The following AR variants were observed in gnomAD, a reference collection of about 807,000 sequenced individuals.
The protein encoded by AR is androgen receptor.
In AR, 8 loss-of-function variants were observed where a neutral mutation model predicts 53.9. The ratio of observed to expected loss-of-function variants is 0.15; its 90% CI spans 0.09 to 0.27. The LOEUF (loss-of-function observed/expected upper bound fraction) is 0.27, where lower values mean the gene tolerates loss of function less well. Ranked by LOEUF, AR falls within the 10% of genes least tolerant of loss-of-function variation. The pLI is 1.00. For missense variants in AR, 639 were observed against 742.5 expected, an observed-to-expected ratio of 0.86 and a Z score of 1.62; for synonymous variants, 359 against 316.4, an observed-to-expected ratio of 1.13 and a Z score of -1.43.
chrX:67,682,648 T>C (rs936378684), intron 2 of AR, among the ~76,000 whole-genome samples: 15 of 111,287 alleles, frequency 1.3e-4, no homozygotes, highest in Non-Finnish European at 1.7e-4. Flanking sequence ...ATTGTTACTG[T>C]TAAGAACTCT....
chrX:67,667,618 A>G (rs1482172828), intron 2 of AR, among the ~76,000 whole-genome samples: 1 of 111,709 alleles, frequency 9.0e-6, no homozygotes, highest in African/African-American at 3.2e-5. Context: ...ATATTTTGAT[A>G]TAAATTGCGT....
At chrX:67,722,031 A>G in intron 6 of AR, 68 bp downstream of exon 6, 1 of 1,162,348 alleles carries the variant, frequency 8.6e-7, no homozygotes, top group Non-Finnish European at 1.2e-6. Flanking sequence ...CACTTTTGCC[A>G]TTAAAACATT....
At chrX:67,648,002 A>T (rs1926136010) in intron 2 of AR, among the ~76,000 whole-genome samples, 1 of 111,864 alleles carries the variant, frequency 8.9e-6, no homozygotes, top group Non-Finnish European at 1.9e-5. Flanking sequence ...GGTAGAGTGG[A>T]TTTGGTTTAT....
chrX:67,557,914 C>T (rs1921127950), intron 1 of AR, among the ~76,000 whole-genome samples: 1 of 112,243 alleles, frequency 8.9e-6, no homozygotes, highest in African/African-American at 3.2e-5. Flanking sequence ...AAATATTTTT[C>T]CTGTAAAAAC....
chrX:67,681,313 A>G (rs1401046882), intron 2 of AR, among the ~76,000 whole-genome samples: 1 of 111,360 alleles, frequency 9.0e-6, no homozygotes, highest in Non-Finnish European at 1.9e-5. Flanking sequence ...ACCTTCTAGA[A>G]CCACCTTACA....
intron 3 of AR, among the ~76,000 whole-genome samples, chrX:67,701,481 C>A (rs2076041947): frequency 8.9e-6 from 1 of 111,999 alleles, no homozygotes; most frequent in Non-Finnish European, 1.9e-5. Flanking sequence ...AAAGGTTAAA[C>A]TAACTAACGT....
At chrX:67,717,335 C>T in intron 4 of AR, 143 bp from the exon 5 acceptor site, 1 of 776,088 alleles carries the variant, frequency 1.3e-6, no homozygotes. Context: ...TTCCCCACCA[C>T]CCCTTAATGG....
chrX:67,586,200 G>A (rs2147360458), intron 1 of AR, among the ~76,000 whole-genome samples: 1 of 111,869 alleles, frequency 8.9e-6, no homozygotes, highest in African/African-American at 3.2e-5. Flanking sequence ...GGCTGGAGAT[G>A]ACAGCCTCTT....
intron 2 of AR, among the ~76,000 whole-genome samples, chrX:67,670,860 C>G (rs1317170856): frequency 9.0e-6 from 1 of 110,944 alleles, no homozygotes; most frequent in Non-Finnish European, 1.9e-5. Context: ...GTTTGGTTTT[C>G]TGTTCTTGTG....
At chrX:67,630,477 T>A (rs892046997) in intron 1 of AR, among the ~76,000 whole-genome samples, 75 of 111,218 alleles carry the variant, frequency 6.7e-4, no homozygotes, top group Non-Finnish European at 1.2e-3. Context: ...CTTTTTTTTG[T>A]TTTCCATTTG....
chrX:67,611,346 C>A, intron 1 of AR, among the ~76,000 whole-genome samples: 1 of 110,552 alleles, frequency 9.0e-6, no homozygotes, highest in East Asian at 2.9e-4. Context: ...GTTTTTTTGG[C>A]CATTTATGTT....
At chrX:67,720,243 TCTC>T (rs1023597990) in intron 5 of AR, among the ~76,000 whole-genome samples, 1 of 109,839 alleles carries the variant, frequency 9.1e-6, no homozygotes, top group African/African-American at 3.3e-5. Context: ...TACCCTCCAT[TCTC>T]CTCTCTCTTC....
intron 3 of AR, among the ~76,000 whole-genome samples, chrX:67,693,168 T>A (rs1431222646): frequency 1.8e-5 from 2 of 112,748 alleles, no homozygotes; most frequent in African/African-American, 6.4e-5. Flanking sequence ...TATCTGATAC[T>A]TGAATGAGTA....
At chrX:67,639,199 G>T (rs186739707) in intron 1 of AR, among the ~76,000 whole-genome samples, 1 of 111,796 alleles carries the variant, frequency 8.9e-6, no homozygotes, top group Non-Finnish European at 1.9e-5. Flanking sequence ...TACCAGTACC[G>T]TGCTATTTTG....
chrX:67,551,001 GTTT>G (rs1213943835), intron 1 of AR, among the ~76,000 whole-genome samples: 4 of 76,620 alleles, frequency 5.2e-5, no homozygotes, highest in Non-Finnish European at 7.0e-5. Context: ...GAATAGCTGG[GTTT>G]TTTTTTTTTT....
At chrX:67,579,179 G>A (rs763166811) in intron 1 of AR, among the ~76,000 whole-genome samples, 7 of 111,727 alleles carry the variant, frequency 6.3e-5, no homozygotes, top group African/African-American at 2.3e-4. Flanking sequence ...CATTATATCA[G>A]GCATAGTAGC....
intron 1 of AR, among the ~76,000 whole-genome samples, chrX:67,573,013 A>T (rs181401463): frequency 1.2e-4 from 13 of 111,749 alleles, no homozygotes; most frequent in African/African-American, 4.2e-4. Flanking sequence ...ACACAGAGAC[A>T]TAAATTAACT....
chrX:67,579,645 T>C (rs1328638644), intron 1 of AR, among the ~76,000 whole-genome samples: 3 of 111,529 alleles, frequency 2.7e-5, no homozygotes. Flanking sequence ...AACTCATAAA[T>C]ATGCAATTCC....
At chrX:67,659,696 A>G (rs1191866705) in intron 2 of AR, among the ~76,000 whole-genome samples, 2 of 111,769 alleles carry the variant, frequency 1.8e-5, no homozygotes, top group African/African-American at 6.5e-5. Context: ...ATGTGTCTTT[A>G]TAGCAGCATG....
Sources: gnomAD v4.1 joint callset for allele counts (sites outside exome capture counted in the v4.1 genomes callset) on GRCh38, gnomAD v4.1.1 for gene constraint, MANE v1.5 for transcripts, NCBI Gene and HGNC (gene_info 2026-07-23, HGNC 2026-07-21) for gene names.